Variants in TENM2 observed in about 807,000 individuals in gnomAD.
The protein encoded by TENM2 is teneurin transmembrane protein 2, also known as teneurin-2.
In TENM2, 52 loss-of-function variants were observed where a neutral mutation model predicts 245.2. That is an observed-to-expected ratio of 0.21 (90% CI 0.17 to 0.27). The LOEUF is 0.27. Among genes scored for constraint, TENM2 ranks in the 10% least tolerant of loss-of-function variants. TENM2 has a pLI of 1.00. For synonymous variants in TENM2, 1,363 were observed against 1,438.9 expected (o/e 0.95, Z 1.19); for missense variants, 3,046 against 3,666.8 (o/e 0.83, Z 4.37).
At chr5:168,226,213 C>T (rs776308900) in exon 24 of TENM2, 2 of 1,613,532 alleles carry the variant, frequency 1.2e-6, no homozygotes, top group South Asian at 2.2e-5. Context: ...GATGACGTCA[C>T]TGTCATCACC....
the TENM2 span, among the ~76,000 whole-genome samples, chr5:167,182,405 T>G: frequency 6.6e-6 from 1 of 152,154 alleles, no homozygotes; most frequent in Admixed American, 6.5e-5. Flanking sequence ...GTAATCCCAG[T>G]TGTATTTTAA....
the TENM2 span, among the ~76,000 whole-genome samples, chr5:166,979,574 T>G: frequency 2.0e-5 from 3 of 152,160 alleles, no homozygotes; most frequent in African/African-American, 7.2e-5. Flanking sequence ...TTTTTCCCCT[T>G]TTCTTTCTTT....
chr5:167,287,906 T>C (rs1754387255), intron 1 of TENM2: 1 of 152,180 alleles, frequency 6.6e-6, no homozygotes, highest in African/African-American at 2.4e-5. Context: ...CTGCACTAAA[T>C]AGCATCCTAG....
intron 2 of TENM2, among the ~76,000 whole-genome samples, chr5:167,575,131 AAC>A (rs1491548327): frequency 6.6e-6 from 1 of 151,386 alleles, no homozygotes; most frequent in Admixed American, 6.6e-5. Context: ...AAAAAAAAAA[AAC>A]AACCCAAACC....
At chr5:167,796,703 A>C (rs1432247399) in intron 2 of TENM2, among the ~76,000 whole-genome samples, 1 of 151,874 alleles carries the variant, frequency 6.6e-6, no homozygotes, top group Non-Finnish European at 1.5e-5. Flanking sequence ...GGCTGCAGGG[A>C]TGCCATATCT....
At chr5:167,919,594 G>GGTAA (rs2151627813) in intron 3 of TENM2, among the ~76,000 whole-genome samples, 1 of 152,314 alleles carries the variant, frequency 6.6e-6, no homozygotes, top group Non-Finnish European at 1.5e-5. Flanking sequence ...GAGGCGAAGA[G>GGTAA]GTAACCCCTT....
chr5:167,858,102 C>T (rs368298055), intron 2 of TENM2, among the ~76,000 whole-genome samples: 1 of 152,240 alleles, frequency 6.6e-6, no homozygotes, highest in Non-Finnish European at 1.5e-5. Flanking sequence ...GAGCTATCAA[C>T]TAGAAAGCAG....
intron 8 of TENM2, among the ~76,000 whole-genome samples, chr5:168,095,574 ATTTG>A (rs891816219): frequency 2.0e-5 from 3 of 151,884 alleles, no homozygotes; most frequent in Non-Finnish European, 4.4e-5. Context: ...TGCTTATTTA[ATTTG>A]TTTGTTTTTT....
chr5:167,850,136 G>T (rs62382858), intron 2 of TENM2, among the ~76,000 whole-genome samples: 9,389 of 152,174 alleles, frequency 0.062, 361 homozygotes, highest in South Asian at 0.13. Context: ...GCCACCAGTC[G>T]TCTCATGAGA....
the TENM2 span, among the ~76,000 whole-genome samples, chr5:167,054,494 T>C: frequency 1.3e-5 from 2 of 152,192 alleles, no homozygotes; most frequent in South Asian, 4.1e-4. Flanking sequence ...TGTAAACATC[T>C]GTGTGCAGAT....
intron 2 of TENM2, among the ~76,000 whole-genome samples, chr5:167,822,435 G>T (rs928672920): frequency 6.6e-6 from 1 of 152,212 alleles, no homozygotes; most frequent in Non-Finnish European, 1.5e-5. Flanking sequence ...GAAGTGACCT[G>T]AAGGAATGTG....
intron 1 of TENM2, among the ~76,000 whole-genome samples, chr5:167,335,231 G>T (rs994356169): frequency 6.6e-6 from 1 of 152,144 alleles, no homozygotes; most frequent in Non-Finnish European, 1.5e-5. Flanking sequence ...AAAGAGAGGG[G>T]AAGAGAGGTG....
chr5:167,971,477 G>T (rs1452977292), intron 4 of TENM2, among the ~76,000 whole-genome samples: 2 of 152,112 alleles, frequency 1.3e-5, no homozygotes, highest in Non-Finnish European at 2.9e-5. Context: ...GAGGCAGGTG[G>T]ATCACTTGAG....
chr5:167,679,462 C>A (rs1418201584), intron 2 of TENM2, among the ~76,000 whole-genome samples: 1 of 152,054 alleles, frequency 6.6e-6, no homozygotes, highest in Non-Finnish European at 1.5e-5. Flanking sequence ...AAAATATGTA[C>A]ATTATTTTTA....
chr5:168,100,446 G>A (rs1338175501), intron 9 of TENM2, among the ~76,000 whole-genome samples: 7 of 152,062 alleles, frequency 4.6e-5, no homozygotes, highest in Admixed American at 3.9e-4. Context: ...ATGTTTTATT[G>A]CAGCACTATT....
intron 6 of TENM2, among the ~76,000 whole-genome samples, chr5:168,059,772 G>A (rs7732210): frequency 0.21 from 31,201 of 152,032 alleles, 3,289 homozygotes; most frequent in South Asian, 0.29. Context: ...ACATGCCATT[G>A]TTTTAGCAAA....
intron 4 of TENM2, among the ~76,000 whole-genome samples, chr5:167,968,399 A>G (rs1374242426): frequency 6.6e-6 from 1 of 152,144 alleles, no homozygotes; most frequent in Admixed American, 6.5e-5. Flanking sequence ...TTTGTACTTA[A>G]GCTGTGTATG....
At chr5:167,767,855 A>G (rs1763139488) in intron 2 of TENM2, among the ~76,000 whole-genome samples, 1 of 152,178 alleles carries the variant, frequency 6.6e-6, no homozygotes, top group South Asian at 2.1e-4. Flanking sequence ...TGACTGGCAG[A>G]TGTGTTTAAG....
At chr5:167,331,496 A>G (rs751100726) in intron 1 of TENM2, among the ~76,000 whole-genome samples, 5 of 152,314 alleles carry the variant, frequency 3.3e-5, no homozygotes, top group African/African-American at 7.2e-5. Flanking sequence ...GAGGACATGG[A>G]AAGTCTAAAT....
Sources: gnomAD v4.1 joint callset for allele counts (sites outside exome capture counted in the v4.1 genomes callset) on GRCh38, gnomAD v4.1.1 for gene constraint, MANE v1.5 for transcripts, NCBI Gene and HGNC (gene_info 2026-07-23, HGNC 2026-07-21) for gene names.